SCD5: variants seen among roughly 807,000 people sequenced by gnomAD.
The protein encoded by SCD5 is acyl-CoA-desaturase 4.
Under a neutral mutation model 30.4 loss-of-function variants are expected in SCD5, and 20 were observed. The ratio of observed to expected loss-of-function variants is 0.66; its 90% CI spans 0.46 to 0.96. SCD5 has a LOEUF of 0.96. Ranked by LOEUF, SCD5 falls within the 40% of genes least tolerant of loss-of-function variation. SCD5 has a pLI of 0.00. For missense variants in SCD5, 381 were observed against 443.3 expected, an observed-to-expected ratio of 0.86 and a Z score of 1.26; for synonymous variants, 173 against 176.4, an observed-to-expected ratio of 0.98 and a Z score of 0.16.
intron 1 of SCD5, among the ~76,000 whole-genome samples, chr4:82,754,384 G>A (rs1721181271): frequency 6.6e-6 from 1 of 152,162 alleles, no homozygotes; most frequent in Non-Finnish European, 1.5e-5. Flanking sequence ...ACTAAGAATG[G>A]GAAAGCAGAG....
At chr4:82,780,855 G>C (rs1721852170) in intron 1 of SCD5, among the ~76,000 whole-genome samples, 1 of 152,258 alleles carries the variant, frequency 6.6e-6, no homozygotes, top group Non-Finnish European at 1.5e-5. Context: ...TCCGGGGCCT[G>C]CTGCTTCCAC....
At chr4:82,703,493 T>C (rs557362024) in intron 2 of SCD5, among the ~76,000 whole-genome samples, 45 of 152,194 alleles carry the variant, frequency 3.0e-4, no homozygotes, top group Non-Finnish European at 1.0e-4. Context: ...ATAAAGGAAC[T>C]GATACTTGCA....
intron 1 of SCD5, among the ~76,000 whole-genome samples, chr4:82,769,359 C>T (rs1470545157): frequency 6.6e-6 from 1 of 152,176 alleles, no homozygotes; most frequent in Non-Finnish European, 1.5e-5. Flanking sequence ...GGGGCCATCA[C>T]ATTGCAGTAG....
intron 3 of SCD5, among the ~76,000 whole-genome samples, chr4:82,670,956 A>C (rs1728307544): frequency 6.6e-6 from 1 of 152,174 alleles, no homozygotes; most frequent in South Asian, 2.1e-4. Context: ...AGAGTGGATC[A>C]AAAAACAAGA....
chr4:82,718,087 A>G (rs111385901), intron 1 of SCD5, among the ~76,000 whole-genome samples: 1 of 151,080 alleles, frequency 6.6e-6, no homozygotes, highest in Non-Finnish European at 1.5e-5. Flanking sequence ...TTTTTTAAAA[A>G]AAAAAAAAGC....
intron 3 of SCD5, 88 bp from the exon 4 acceptor site, chr4:82,636,911 GC>G: frequency 8.7e-7 from 1 of 1,144,568 alleles, no homozygotes; most frequent in Non-Finnish European, 1.2e-6. Flanking sequence ...TCAGAAAAAA[GC>G]CCAGGGAGAG....
At chr4:82,661,312 A>T (rs1395418042) in intron 3 of SCD5, among the ~76,000 whole-genome samples, 1 of 152,244 alleles carries the variant, frequency 6.6e-6, no homozygotes, top group South Asian at 2.1e-4. Context: ...CAGCCTGCAC[A>T]TGACTAATCT....
At chr4:82,743,239 G>A (rs1426413051) in intron 1 of SCD5, among the ~76,000 whole-genome samples, 1 of 152,206 alleles carries the variant, frequency 6.6e-6, no homozygotes, top group East Asian at 1.9e-4. Context: ...GCCAGGCTCA[G>A]TGGCTCACAC....
intron 1 of SCD5, among the ~76,000 whole-genome samples, chr4:82,760,498 TGA>T (rs751826156): frequency 6.6e-6 from 1 of 152,116 alleles, no homozygotes; most frequent in African/African-American, 2.4e-5. Context: ...CAGGTTCAAG[TGA>T]CTCTCCCACC....
At chr4:82,701,005 G>A (rs1719825720) in intron 2 of SCD5, among the ~76,000 whole-genome samples, 1 of 152,002 alleles carries the variant, frequency 6.6e-6, no homozygotes, top group African/African-American at 2.4e-5. Flanking sequence ...ATAACAATTT[G>A]TTCAAAATAA....
intron 3 of SCD5, among the ~76,000 whole-genome samples, chr4:82,652,684 A>G (rs1205242668): frequency 6.6e-6 from 1 of 152,232 alleles, no homozygotes; most frequent in Admixed American, 6.5e-5. Context: ...AAAAATAACA[A>G]CTAGAAGCTG....
At chr4:82,699,660 G>GTTATT (rs1461522816) in intron 2 of SCD5, among the ~76,000 whole-genome samples, 4 of 147,508 alleles carry the variant, frequency 2.7e-5, no homozygotes, top group Non-Finnish European at 4.5e-5. Context: ...CCAGCACTTT[G>GTTATT]TTATTTTATT....
rs572035576 is a variant in SCD5, at chr4:82,712,580, T to C, written c.233-7167A>G. Among the ~76,000 whole-genome samples, 94 of 151,536 alleles carry C rather than the reference T, an allele frequency of 6.2e-4. 1 individual carries two copies. Among genetic ancestry groups the C allele is most frequent in the African/African-American group, 2.2e-3 (92 of 41,260 alleles). On this transcript the variant is annotated intron_variant, in intron 1 of 4. Transcript: ENST00000319540. ...AGCTGCCCGCCTTGGCCTCCAAAAG[T>C]GCTGGGATTACAGGCGTGAGCCACC... is the stretch of plus-strand genomic sequence containing the variant.
chr4:82,721,760 G>GA (rs1233279939), intron 1 of SCD5, among the ~76,000 whole-genome samples: 2 of 152,202 alleles, frequency 1.3e-5, no homozygotes, highest in Non-Finnish European at 2.9e-5. Context: ...GGAACTGTGT[G>GA]ACAACACATC....
intron 1 of SCD5, among the ~76,000 whole-genome samples, chr4:82,753,815 A>G (rs892497551): frequency 1.3e-5 from 2 of 152,014 alleles, no homozygotes; most frequent in African/African-American, 4.8e-5. Context: ...TGAAAATCCA[A>G]CTGAGAGGGA....
At chr4:82,714,353 A>G (rs1028534212) in intron 1 of SCD5, among the ~76,000 whole-genome samples, 108 of 152,218 alleles carry the variant, frequency 7.1e-4, no homozygotes, top group African/African-American at 2.5e-3. Flanking sequence ...GCTGCCCCCA[A>G]TCAAAACTGC....
At chr4:82,708,429 C>T (rs1720011934) in intron 1 of SCD5, among the ~76,000 whole-genome samples, 1 of 152,214 alleles carries the variant, frequency 6.6e-6, no homozygotes, top group African/African-American at 2.4e-5. Flanking sequence ...CACCACCAGA[C>T]ATGTGTCATA....
At chr4:82,785,515 G>A (rs1236182871) in intron 1 of SCD5, among the ~76,000 whole-genome samples, 1 of 152,158 alleles carries the variant, frequency 6.6e-6, no homozygotes, top group Non-Finnish European at 1.5e-5. Flanking sequence ...TCGTATGTAA[G>A]CCTGAATGCA....
chr4:82,685,063 A>G (rs1453963800), intron 2 of SCD5, among the ~76,000 whole-genome samples: 1 of 152,260 alleles, frequency 6.6e-6, no homozygotes, highest in African/African-American at 2.4e-5. Context: ...TGTAGGTTCC[A>G]GTAGATCACA....
Sources: allele counts gnomAD v4.1 joint callset (sites outside exome capture counted in the v4.1 genomes callset), GRCh38; gene constraint gnomAD v4.1.1; transcripts MANE v1.5; gene names NCBI Gene and HGNC (gene_info 2026-07-23, HGNC 2026-07-21).